ABCC8: variants seen among roughly 807,000 people sequenced by gnomAD.
The protein encoded by ABCC8 is ATP-binding cassette sub-family C member 8.
A neutral mutation model predicts 188.0 loss-of-function variants in ABCC8; 137 were observed. That is an observed-to-expected ratio of 0.73 (90% CI 0.63 to 0.84). The LOEUF (loss-of-function observed/expected upper bound fraction) is 0.84. Among genes scored for constraint, ABCC8 ranks in the 40% least tolerant of loss-of-function variants. ABCC8 has a pLI of 0.00. For synonymous variants in ABCC8, 797 were observed against 846.5 expected, an observed-to-expected ratio of 0.94 and a Z score of 1.01; for missense variants, 1,750 against 2,072.7, an observed-to-expected ratio of 0.84 and a Z score of 3.02.
chr11:17,406,272 G>A (rs1037915127), intron 26 of ABCC8, among the ~76,000 whole-genome samples: 2 of 152,142 alleles, frequency 1.3e-5, no homozygotes, highest in African/African-American at 4.8e-5. Flanking sequence ...GAGGGAGAGA[G>A]AGTGAGGGGA....
chr11:17,432,856 G>A (rs896687444), intron 10 of ABCC8, among the ~76,000 whole-genome samples: 1 of 152,154 alleles, frequency 6.6e-6, no homozygotes, highest in Non-Finnish European at 1.5e-5. Flanking sequence ...AGGGACTCCA[G>A]GAAGAAAAGA....
intron 10 of ABCC8, among the ~76,000 whole-genome samples, chr11:17,442,313 G>T (rs1450744102): frequency 6.6e-6 from 1 of 152,168 alleles, no homozygotes; most frequent in East Asian, 1.9e-4. Flanking sequence ...AAGCTTTCTT[G>T]TAGCTTCCCC....
chr11:17,451,206 G>T (rs1212628188), intron 7 of ABCC8, among the ~76,000 whole-genome samples: 1 of 152,192 alleles, frequency 6.6e-6, no homozygotes, highest in East Asian at 1.9e-4. Flanking sequence ...CACAAAAGTG[G>T]CTGTTGCTTG....
At chr11:17,428,163 T>C in intron 14 of ABCC8, 126 bp downstream of exon 14, 7 of 1,558,810 alleles carry the variant, frequency 4.5e-6, no homozygotes, top group Non-Finnish European at 6.1e-6. Context: ...TGGACTCCTA[T>C]GGACCGTACA....
At chr11:17,412,801 C>G in intron 20 of ABCC8, 55 bp from the exon 21 acceptor site, 1 of 1,567,096 alleles carries the variant, frequency 6.4e-7, no homozygotes. Context: ...GAGACACTGT[C>G]CTGTACCCTA....
intron 1 of ABCC8, 162 bp from the exon 2 acceptor site, chr11:17,475,189 T>C (rs1848693925): frequency 1.8e-6 from 1 of 553,454 alleles, no homozygotes; most frequent in Admixed American, 6.4e-5. Context: ...GTCCAACTCA[T>C]TCAGCCTGGT....
intron 1 of ABCC8, among the ~76,000 whole-genome samples, chr11:17,475,512 C>T (rs565423340): frequency 7.2e-5 from 11 of 152,320 alleles, no homozygotes; most frequent in African/African-American, 2.6e-4. Flanking sequence ...ATGTAAGCCA[C>T]TGTGCCCTGC....
rs116024686 is a variant in ABCC8, at chr11:17,458,987, G to C, written c.1011+1501C>G. Among the ~76,000 whole-genome samples, 1,232 of 152,310 alleles carry C rather than the reference G, an allele frequency of 8.1e-3. 21 individuals are homozygous for C. The highest frequency in any genetic ancestry group is 0.028 in the African/African-American group (1,175 of 41,558). ...TTTCATAATCCTTGGAGCCAGAGGT[G>C]ATGGCTTGATAATAATAGTCAATTT... is the stretch of plus-strand genomic sequence containing the variant. On this transcript the variant is annotated intron_variant, in intron 6 of 38. Transcript: ENST00000389817.
intron 16 of ABCC8, among the ~76,000 whole-genome samples, chr11:17,418,110 G>T (rs1397277204): frequency 6.6e-6 from 1 of 152,106 alleles, no homozygotes; most frequent in African/African-American, 2.4e-5. Context: ...GGTTTATTCT[G>T]ATCGCCCTCA....
At chr11:17,431,933 T>C (rs1178295115) in intron 11 of ABCC8, among the ~76,000 whole-genome samples, 2 of 152,250 alleles carry the variant, frequency 1.3e-5, no homozygotes, top group Non-Finnish European at 2.9e-5. Flanking sequence ...ACTTTAAAAA[T>C]TAAAAATTTG....
intron 10 of ABCC8, chr11:17,436,178 C>A: frequency 1.4e-6 from 1 of 732,804 alleles, no homozygotes; most frequent in African/African-American, 1.7e-5. Context: ...AAGAGCACAG[C>A]CATCTTGGGT....
At chr11:17,461,925 A>G in intron 4 of ABCC8, 100 bp from the exon 5 acceptor site, 1 of 1,562,914 alleles carries the variant, frequency 6.4e-7, no homozygotes, top group Non-Finnish European at 8.6e-7. Flanking sequence ...TCCACACTTG[A>G]TCTCTAACAG....
chr11:17,418,286 G>A (rs1955176716), intron 16 of ABCC8, among the ~76,000 whole-genome samples: 1 of 152,090 alleles, frequency 6.6e-6, no homozygotes, highest in Non-Finnish European at 1.5e-5. Flanking sequence ...TCTGATAAAT[G>A]CCCCTTGTCA....
intron 17 of ABCC8, among the ~76,000 whole-genome samples, chr11:17,415,749 G>T (rs922334199): frequency 1.3e-5 from 2 of 152,244 alleles, no homozygotes; most frequent in Non-Finnish European, 2.9e-5. Context: ...GGCAAGGAGT[G>T]CTCTGGACAG....
chr11:17,451,844 G>A (rs150867827), intron 7 of ABCC8, among the ~76,000 whole-genome samples: 18 of 152,310 alleles, frequency 1.2e-4, no homozygotes, highest in Admixed American at 9.8e-4. Context: ...AATGGGATGC[G>A]AGAGGGTATG....
intron 28 of ABCC8, among the ~76,000 whole-genome samples, chr11:17,403,907 A>G (rs1034897104): frequency 6.6e-6 from 1 of 152,130 alleles, no homozygotes; most frequent in Non-Finnish European, 1.5e-5. Context: ...TTTTTCCTAC[A>G]ATTTTTTGAA....
chr11:17,426,349 T>A lies in ABCC8; in HGVS notation c.2222+700A>T, dbSNP rs188599342. Among the ~76,000 whole-genome samples the A allele has an allele frequency of 1.2e-3, 179 of 152,358 alleles. 1 individual carries two copies. Among genetic ancestry groups the A allele is most frequent in the African/African-American group, 4.0e-3 (167 of 41,578 alleles). The stretch of plus-strand genomic sequence containing the variant: ...TCTCCACATCCTCTCCAGCATTTGT[T>A]GTTTCCTGACTTTTTAACGATCACC... On this transcript the variant is annotated intron_variant, in intron 16 of 38. Transcript: ENST00000389817.
At chr11:17,401,669 A>T (rs1954250964) in intron 29 of ABCC8, among the ~76,000 whole-genome samples, 1 of 152,192 alleles carries the variant, frequency 6.6e-6, no homozygotes, top group Admixed American at 6.5e-5. Context: ...GATGAAGATG[A>T]GAAAAGAGCC....
chr11:17,401,123 A>G (rs1288121558), intron 29 of ABCC8, among the ~76,000 whole-genome samples: 1 of 152,228 alleles, frequency 6.6e-6, no homozygotes, highest in African/African-American at 2.4e-5. Flanking sequence ...ACTCTAGAAG[A>G]GTCACCATCT....
Sources: allele counts gnomAD v4.1 joint callset (sites outside exome capture counted in the v4.1 genomes callset), GRCh38; gene constraint gnomAD v4.1.1; transcripts MANE v1.5; gene names NCBI Gene and HGNC (gene_info 2026-07-23, HGNC 2026-07-21).